COL4A3: variants seen among roughly 807,000 people sequenced by gnomAD.
COL4A3 encodes the protein collagen alpha-3(IV) chain.
COL4A3 carries 135 observed loss-of-function variants against 217.4 expected under a neutral mutation model. That is an observed-to-expected ratio of 0.62 (90% CI 0.54 to 0.72). The LOEUF (loss-of-function observed/expected upper bound fraction) is 0.72. Ranked by LOEUF, COL4A3 falls within the 30% of genes least tolerant of loss-of-function variation. COL4A3 has a pLI of 0.00. For synonymous variants in COL4A3, 690 were observed against 736.3 expected (o/e 0.94, Z 1.02); for missense variants, 1,868 against 2,119.9 (o/e 0.88, Z 2.33).
chr2:227,302,081 G>GCTCCCTC (rs1400181217), intron 43 of COL4A3: 1 of 152,380 alleles, frequency 6.6e-6, no homozygotes, highest in East Asian at 1.9e-4. Flanking sequence ...CAGAAGCCCT[G>GCTCCCTC]CTCCCTCCTC....
At chr2:227,271,346 T>C (rs1419892115) in intron 25 of COL4A3, among the ~76,000 whole-genome samples, 1 of 152,128 alleles carries the variant, frequency 6.6e-6, no homozygotes, top group African/African-American at 2.4e-5. Context: ...TATTTAGGGG[T>C]ATGGTAGTCA....
intron 3 of COL4A3, among the ~76,000 whole-genome samples, chr2:227,241,686 G>A (rs72977895): frequency 1.5e-3 from 14 of 9,226 alleles, no homozygotes; most frequent in South Asian, 0.019. Context: ...AAATATATAC[G>A]TGTGTGTATA....
intron 1 of COL4A3, among the ~76,000 whole-genome samples, chr2:227,236,291 A>C (rs887369093): frequency 8.5e-5 from 13 of 152,206 alleles, no homozygotes; most frequent in Non-Finnish European, 1.5e-5. Flanking sequence ...TATAAACTGC[A>C]GTGTATATGA....
chr2:227,280,700 G>A, intron 30 of COL4A3, 110 bp downstream of exon 30: 1 of 1,318,054 alleles, frequency 7.6e-7, no homozygotes, highest in South Asian at 1.2e-5. Context: ...CAATGTTCCT[G>A]CCCTACCTTT....
At chr2:227,204,740 C>T (rs969703389) in intron 1 of COL4A3, among the ~76,000 whole-genome samples, 3 of 152,220 alleles carry the variant, frequency 2.0e-5, no homozygotes, top group South Asian at 2.1e-4. Context: ...GCCGTTCATG[C>T]GTAGCTTCCA....
Position 227,260,871 on chromosome 2 carries a change from C to T in COL4A3, c.1115-211C>T, listed in dbSNP as rs77280016. Among the ~76,000 whole-genome samples the T allele has an allele frequency of 2.6e-5, 4 of 152,196 alleles. No homozygotes were observed. In the South Asian group the frequency reaches 8.3e-4, roughly 32 times the overall value. On this transcript the variant is annotated intron_variant, in intron 19 of 51. Transcript: ENST00000396578. ...GAATTATGTGAAAATGATAAGGCAG[C>T]ATGATTTACTTTTGAGTGTTAGACT...
chr2:227,299,981 A>T (rs1043273566), intron 43 of COL4A3, among the ~76,000 whole-genome samples: 2 of 152,182 alleles, frequency 1.3e-5, no homozygotes, highest in Non-Finnish European at 2.9e-5. Flanking sequence ...TCTGCCCCCC[A>T]AATGCCTGCC....
At chr2:227,225,713 T>C (rs1431184137) in intron 1 of COL4A3, among the ~76,000 whole-genome samples, 34 of 148,850 alleles carry the variant, frequency 2.3e-4, no homozygotes, top group East Asian at 7.8e-4. Flanking sequence ...TTCTTTCTTT[T>C]TTTTTTTTTT....
At chr2:227,175,826 C>G (rs2065656203) in intron 1 of COL4A3, among the ~76,000 whole-genome samples, 1 of 152,170 alleles carries the variant, frequency 6.6e-6, no homozygotes, top group Non-Finnish European at 1.5e-5. Flanking sequence ...ATGCTATTCC[C>G]AAGACATTTG....
Position 227,269,252 on chromosome 2 carries a change from AATTT to A in COL4A3, c.1505-654_1505-651del, listed in dbSNP as rs1442132879. Among the ~76,000 whole-genome samples, 7 of 152,254 alleles carry A rather than the reference AATTT, an allele frequency of 4.6e-5. No individual in the cohort carries two copies. In the East Asian group the frequency reaches 1.2e-3, roughly 25 times the overall value. The stretch of plus-strand genomic sequence containing the variant: ...TTGGCTCTGCTATTACACTTTTAAA[AATTT>A]ATTATAAAGGAAATAATTGGATAAA... On this transcript the variant is annotated intron_variant, in intron 23 of 51. Coordinates refer to ENST00000396578, the MANE Select transcript of COL4A3 (RefSeq NM_000091.5).
At chr2:227,297,381 C>G (rs2073074499) in intron 41 of COL4A3, among the ~76,000 whole-genome samples, 1 of 152,158 alleles carries the variant, frequency 6.6e-6, no homozygotes, top group South Asian at 2.1e-4. Flanking sequence ...TTAGCTAGAA[C>G]AGGTATTACC....
chr2:227,253,537 A>C lies in COL4A3; in HGVS notation c.688-24A>C. 1.3e-6 allele frequency: 2 copies of C among 1,593,350 alleles called. No homozygotes were observed. The highest frequency in any genetic ancestry group is 1.7e-6 in the Non-Finnish European group (2 of 1,161,314). On this transcript the variant is annotated intron_variant, in intron 12 of 51. Coordinates refer to ENST00000396578, the MANE Select transcript of COL4A3 (RefSeq NM_000091.5). The surrounding 1 kb of genome is among the most constrained non-coding windows in gnomAD (Gnocchi z 4.4). ...TGTTGATGCTGTTGTTTATTTTCTC[A>C]CTCCTGAGTGTTTTTGTCTTTAGGG...
At chr2:227,291,095 A>C in intron 37 of COL4A3, 1 of 566,812 alleles carries the variant, frequency 1.8e-6, no homozygotes, top group Non-Finnish European at 3.1e-6. Flanking sequence ...TCTTTCAGTC[A>C]CCAAGGAATT....
chr2:227,218,836 G>T (rs950197175), intron 1 of COL4A3, among the ~76,000 whole-genome samples: 4 of 152,016 alleles, frequency 2.6e-5, no homozygotes, highest in Non-Finnish European at 4.4e-5. Flanking sequence ...TTTTATATTT[G>T]TTTATTTGTA....
intron 14 of COL4A3, 143 bp downstream of exon 14, chr2:227,254,317 G>T: frequency 1.3e-6 from 1 of 745,636 alleles, no homozygotes; most frequent in Non-Finnish European, 2.3e-6. Context: ...AGGCAGAGCA[G>T]CTATTGCTTT....
In COL4A3 at chr2:227,278,378, G is replaced by A. The variant is rs543439599; in HGVS notation, c.2125+825G>A. On this transcript the variant is annotated intron_variant, in intron 28 of 51. Coordinates refer to ENST00000396578, the MANE Select transcript of COL4A3 (RefSeq NM_000091.5). ...AGTCCCTGGATTCTCACATAGAACTGCAAGTTTTATGACAATTTCATGTTT... is the reference window on the plus strand; with the variant it reads ...AGTCCCTGGATTCTCACATAGAACTACAAGTTTTATGACAATTTCATGTTT... Among the ~76,000 whole-genome samples the A allele has an allele frequency of 3.3e-3, 497 of 152,206 alleles. 3 individuals are homozygous for A. Among genetic ancestry groups the A allele is most frequent in the Non-Finnish European group, 4.7e-3 (322 of 68,008 alleles).
chr2:227,205,710 A>ATTTT (rs398105402), intron 1 of COL4A3, among the ~76,000 whole-genome samples: 210 of 149,664 alleles, frequency 1.4e-3, no homozygotes, highest in African/African-American at 4.6e-3. Flanking sequence ...TTCAACAAAT[A>ATTTT]TTTTTTTTTT....
intron 1 of COL4A3, among the ~76,000 whole-genome samples, chr2:227,180,748 G>C (rs1413998914): frequency 6.6e-6 from 1 of 152,156 alleles, no homozygotes; most frequent in Non-Finnish European, 1.5e-5. Context: ...TTTACACACA[G>C]TCAAGCATTC....
intron 11 of COL4A3, among the ~76,000 whole-genome samples, chr2:227,251,999 T>C (rs2069769610): frequency 6.9e-6 from 1 of 144,988 alleles, no homozygotes; most frequent in South Asian, 2.2e-4. Context: ...AACCTGGGAG[T>C]TGGAGTTTGC....
Sources: gnomAD v4.1 joint callset for allele counts (sites outside exome capture counted in the v4.1 genomes callset) on GRCh38, gnomAD v4.1.1 for gene constraint, Gnocchi (gnomAD v3.1) non-coding constraint, MANE v1.5 for transcripts, NCBI Gene and HGNC (gene_info 2026-07-23, HGNC 2026-07-21) for gene names.